The following EPHB6 variants were observed in gnomAD, a reference collection of about 807,000 sequenced individuals.
EPHB6 encodes the protein ephrin type-B receptor 6.
EPHB6 carries 51 observed loss-of-function variants against 107.0 expected under a neutral mutation model. The ratio of observed to expected loss-of-function variants is 0.48; its 90% CI spans 0.38 to 0.60. The LOEUF is 0.60. EPHB6 is among the 20% of genes least tolerant of loss of function. EPHB6 has a pLI of 0.00. For synonymous variants in EPHB6, 553 were observed against 549.0 expected, an observed-to-expected ratio of 1.01 and a Z score of -0.10; for missense variants, 1,141 against 1,355.5, an observed-to-expected ratio of 0.84 and a Z score of 2.48.
chr7:142,859,381 C>A (rs1278174005), intron 1 of EPHB6, among the ~76,000 whole-genome samples: 1 of 152,224 alleles, frequency 6.6e-6, no homozygotes, highest in East Asian at 1.9e-4. Flanking sequence ...GCATGTGGAG[C>A]AGCCGTGTTC....
chr7:142,859,068 T>A (rs1033309404), intron 1 of EPHB6, among the ~76,000 whole-genome samples: 8 of 152,258 alleles, frequency 5.3e-5, no homozygotes, highest in Non-Finnish European at 1.0e-4. Context: ...TATACACATC[T>A]GAAATGTGAA....
Position 142,867,319 on chromosome 7 carries a change from C to A in EPHB6, c.1750+251C>A. On this transcript the variant is annotated intron_variant, in intron 11 of 19. Coordinates refer to ENST00000652003, the MANE Select transcript of EPHB6 (RefSeq NM_004445.6). This position sits in a 1 kb window ranked among gnomAD's most constrained non-coding sequence, Gnocchi z 5.3. ...GGGATGTGTGTGTGTGTTGTGTGTC[C>A]CTGGGTGTGGATGTGGGAGGGCTGT... 1 of 630,424 alleles carries A rather than the reference C, an allele frequency of 1.6e-6. No homozygotes were observed. Among genetic ancestry groups the A allele is most frequent in the Non-Finnish European group, 2.8e-6 (1 of 355,708 alleles). The allele number at this position is 630,424 out of a possible 1,614,324, so 39.1% of individuals were successfully genotyped here.
rs2116477981 is a variant in EPHB6 at position 142,869,105 on chromosome 7, C to A, written c.2418C>A (p.Ser806Arg). 6.2e-7 allele frequency: 1 copy of A among 1,613,732 alleles called. No homozygotes were observed. Reference sequence around the variant, plus strand: ...CTGCCCACAGCGTGCTGGTGAATAGCCACTTGGTGTGCAAGGTGGCCCGTC... The same window carrying A: ...CTGCCCACAGCGTGCTGGTGAATAGACACTTGGTGTGCAAGGTGGCCCGTC... Reference protein sequence around the residue: ...SLSAHSVLVNSHLVCKVARLG... With the variant: ...SLSAHSVLVNRHLVCKVARLG... The change falls in exon 16 of 20, where the codon AGC becomes AGA. Residue 806 changes from serine to arginine, a missense_variant. Ser to Arg is a moderately radical substitution (Grantham distance 110). Coordinates refer to ENST00000652003, the MANE Select transcript of EPHB6 (RefSeq NM_004445.6). The surrounding 1 kb of genome is among the most constrained non-coding windows in gnomAD (Gnocchi z 4.5).
intron 1 of EPHB6, among the ~76,000 whole-genome samples, chr7:142,856,180 C>T (rs1210996852): frequency 6.6e-6 from 1 of 152,184 alleles, no homozygotes; most frequent in Non-Finnish European, 1.5e-5. Flanking sequence ...GGGAACTTGA[C>T]TGAGGCTCTA....
chr7:142,864,231 T>C lies in EPHB6; in HGVS notation c.431T>C (p.Val144Ala), dbSNP rs749048034. The C allele has an allele frequency of 5.6e-6, 9 of 1,613,798 alleles. No individual in the cohort carries two copies. In the African/African-American group the frequency reaches 1.2e-4, roughly 22 times the overall value. Residue 144 changes from valine (V) to alanine (A), a missense_variant, in exon 7 of 20, where the codon GTT becomes GCT. Physicochemically the swap from Val to Ala is moderately conservative, Grantham distance 64. Around this residue, in one of 3 missense-constraint regions of EPHB6, gnomAD observed 221 missense variants for 300.5 expected, o/e 0.74. Transcript: ENST00000652003. ...QAEEPDSPDS[V>A]SSWHLKRWTK... ...GAGGAGCCCGACAGCCCTGACAGCG[T>C]TTCCTCCTGGCACCTCAAACGCTGG...
rs1427716078 is a variant in EPHB6, at chr7:142,868,799, G to T, written c.2286+60G>T. 2.4e-5 allele frequency: 39 copies of T among 1,612,476 alleles called. 2 individuals are homozygous for T. In the South Asian group the frequency reaches 4.3e-4, roughly 18 times the overall value. ...GGGTCCAGGAAAGCTTCCAGGAGAC[G>T]AGGTCCTGTATCTTTGCTTCTTACC... On this transcript the variant is annotated intron_variant, in intron 15 of 19. Coordinates refer to ENST00000652003, the MANE Select transcript of EPHB6 (RefSeq NM_004445.6). This position sits in a 1 kb window ranked among gnomAD's most constrained non-coding sequence, Gnocchi z 4.2.
At position 142,868,057 on chromosome 7, in the gene EPHB6, T is replaced by A. The variant is rs997955971; in HGVS notation, c.1918+8T>A. ...AGCAATACAGCAGCCCAGGTGGGGA[T>A]GAGGAGAGGAAATGGGTGGGGCTGG... On this transcript the variant is annotated splice_region_variant and intron_variant, in intron 13 of 19. Transcript: ENST00000652003. This position sits in a 1 kb window ranked among gnomAD's most constrained non-coding sequence, Gnocchi z 4.2. 1 of 1,605,158 alleles carries A rather than the reference T, an allele frequency of 6.2e-7. No homozygotes were observed. Among genetic ancestry groups the A allele is most frequent in the Non-Finnish European group, 8.5e-7 (1 of 1,175,834 alleles).
chr7:142,864,554 G>A lies in EPHB6; in HGVS notation c.754G>A (p.Gly252Arg). ...SFPETQASGAGGASLVAAVGT... is the reference protein window; with the variant it reads ...SFPETQASGARGASLVAAVGT... The stretch of plus-strand genomic sequence containing the variant: ...TCCAGAGACGCAGGCCAGTGGGGCT[G>A]GGGGGGCCTCCCTGGTGGCAGCTGT... Residue 252 changes from glycine (G) to arginine (R), a missense_variant, in exon 7 of 20, where the codon GGG becomes AGG. Transcript: ENST00000652003. 6.2e-7 allele frequency: 1 copy of A among 1,612,774 alleles called. No individual in the cohort carries two copies. Among genetic ancestry groups the A allele is most frequent in the Non-Finnish European group, 8.5e-7 (1 of 1,179,798 alleles).
rs142140631 is a variant in EPHB6 at position 142,855,282 on chromosome 7, G to A, written c.-535G>A. ...CCGGGCCGGGTGCAACGGGGTCCCC[G>A]GACTGGAGAAGACGCGGGTGGCACC... On this transcript the variant is annotated 5_prime_UTR_variant, in exon 1 of 20. Coordinates refer to ENST00000652003, the MANE Select transcript of EPHB6 (RefSeq NM_004445.6). The surrounding 1 kb of genome is among the most constrained non-coding windows in gnomAD (Gnocchi z 4.2). The A allele has an allele frequency of 6.6e-6, 1 of 152,184 alleles. No individual in the cohort carries two copies. Among genetic ancestry groups the A allele is most frequent in the Admixed American group, 6.5e-5 (1 of 15,276 alleles). The allele number at this position is 152,184 out of a possible 1,614,324, so 9.4% of individuals were successfully genotyped here.
Position 142,870,898 on chromosome 7 carries a change from G to C in EPHB6, c.3063G>C (p.Glu1021Asp). The change falls in exon 20 of 20, where the codon GAG becomes GAC. Residue 1021 changes from glutamate (E) to aspartate (D), a missense_variant. By Grantham distance (45) the Glu-to-Asp change is conservative. This residue lies in a region of EPHB6 where 616 missense variants were observed against 759.3 expected (regional missense o/e 0.81). Coordinates refer to ENST00000652003, the MANE Select transcript of EPHB6 (RefSeq NM_004445.6). ...ACCTGAGGCAGCAGGGCTCAGTGGA[G>C]GTCTGAGAATGACGATACCCGTGAC... The part of the protein sequence containing the change: ...QQHLRQQGSV[E>D]V 6.2e-7 allele frequency: 1 copy of C among 1,613,004 alleles called. No homozygotes were observed.
chr7:142,867,890 T>C lies in EPHB6; in HGVS notation c.1866-107T>C. 6.6e-7 allele frequency: 1 copy of C among 1,505,228 alleles called. No individual in the cohort carries two copies. The highest frequency in any genetic ancestry group is 9.0e-7 in the Non-Finnish European group (1 of 1,107,456). The allele number at this position is 1,505,228 out of a possible 1,614,324, so 93.2% of individuals were successfully genotyped here. On this transcript the variant is annotated intron_variant, in intron 12 of 19. Coordinates refer to ENST00000652003, the MANE Select transcript of EPHB6 (RefSeq NM_004445.6). This position sits in a 1 kb window ranked among gnomAD's most constrained non-coding sequence, Gnocchi z 5.3. ...GGAGATGGGCAGGAGGGCCAGGCTG[T>C]CGTCCCCCCTCCACAGACCGACTAA...
rs779312926 is a variant in EPHB6 at position 142,866,255 on chromosome 7, G to A, written c.1401G>A (p.Val467=). The A allele has an allele frequency of 6.2e-7, 1 of 1,613,932 alleles. No individual in the cohort carries two copies. Among genetic ancestry groups the A allele is most frequent in the Non-Finnish European group, 8.5e-7 (1 of 1,180,008 alleles). ...YILEVQAVNG[V]SELSPDPPQA... is the part of the protein sequence containing the mutation. ...TAGAGGTGCAGGCTGTTAATGGGGTGTCTGAGCTCAGCCCTGACCCTCCTC... is the reference window on the plus strand; with the variant it reads ...TAGAGGTGCAGGCTGTTAATGGGGTATCTGAGCTCAGCCCTGACCCTCCTC... Residue 467 remains valine (V), a synonymous_variant, in exon 9 of 20, where the codon GTG becomes GTA. Coordinates refer to ENST00000652003, the MANE Select transcript of EPHB6 (RefSeq NM_004445.6). The surrounding 1 kb of genome is among the most constrained non-coding windows in gnomAD (Gnocchi z 5.2).
intron 1 of EPHB6, among the ~76,000 whole-genome samples, chr7:142,860,619 T>C (rs752338592): frequency 3.7e-4 from 57 of 152,352 alleles, no homozygotes; most frequent in South Asian, 6.2e-4. Flanking sequence ...GCAAAGAACA[T>C]TACTTAAGAG....
intron 1 of EPHB6, among the ~76,000 whole-genome samples, chr7:142,859,371 G>C (rs1231300503): frequency 1.3e-5 from 2 of 152,196 alleles, no homozygotes; most frequent in African/African-American, 4.8e-5. Flanking sequence ...AGCATTCCAG[G>C]CATGTGGAGC....
Position 142,865,613 on chromosome 7 carries a change from C to G in EPHB6, c.1088C>G (p.Pro363Arg), listed in dbSNP as rs761057468. The G allele has an allele frequency of 1.2e-6, 2 of 1,613,468 alleles. No individual in the cohort carries two copies. The highest frequency in any genetic ancestry group is 1.7e-6 in the Non-Finnish European group (2 of 1,180,006). ...EGFYRASSDP[P>R]EAPCTGPPSA... is the part of the protein sequence containing the mutation. Reference sequence around the variant, plus strand: ...TTCTACCGGGCCAGTTCCGACCCACCAGAGGCCCCCTGCACTGGTGAGTTC... The same window carrying G: ...TTCTACCGGGCCAGTTCCGACCCACGAGAGGCCCCCTGCACTGGTGAGTTC... The change falls in exon 8 of 20, where the codon CCA becomes CGA. Residue 363 changes from proline (P) to arginine (R), a missense_variant. Pro to Arg is a moderately radical substitution (Grantham distance 103). Transcript: ENST00000652003.
rs781660662 is a variant in EPHB6, at chr7:142,865,957, C to T, written c.1106-3C>T. 1.9e-6 allele frequency: 3 copies of T among 1,613,654 alleles called. No individual in the cohort carries two copies. The highest frequency in any genetic ancestry group is 1.7e-5 in the Admixed American group (1 of 60,010). The stretch of plus-strand genomic sequence containing the variant: ...TGGACTGCCATATCCTCCGGCCCCC[C>T]AGGTCCTCCATCGGCTCCCCAGGAG... On this transcript the variant is annotated splice_region_variant and splice_polypyrimidine_tract_variant and intron_variant, in intron 8 of 19. Transcript: ENST00000652003.
chr7:142,865,497 GGCT>G lies in EPHB6; in HGVS notation c.973_975del (p.Ala325del). 5 of 1,613,334 alleles carry G rather than the reference GGCT, an allele frequency of 3.1e-6. No individual in the cohort carries two copies. The highest frequency in any genetic ancestry group is 4.2e-6 in the Non-Finnish European group (5 of 1,179,998). On this transcript the variant is annotated inframe_deletion, in exon 8 of 20. Coordinates refer to ENST00000652003, the MANE Select transcript of EPHB6 (RefSeq NM_004445.6). ...CAGCCTGCCCACGGGGGCTCTATAA[GGCT>G]TCTGCTGGGAATGCTCCCTGCTCAC...
In EPHB6 at chr7:142,864,560, GC is replaced by G. The variant is rs780081554; in HGVS notation, c.762del (p.Ser255ProfsTer20). On this transcript the variant is annotated frameshift_variant, in exon 7 of 20. Transcript: ENST00000652003. LOFTEE classifies it high-confidence loss of function. ...GACGCAGGCCAGTGGGGCTGGGGGGGCCTCCCTGGTGGCAGCTGTGGGCACC... is the reference window on the plus strand; with the variant it reads ...GACGCAGGCCAGTGGGGCTGGGGGGGCTCCCTGGTGGCAGCTGTGGGCACC... ...PETQASGAGG[A>X]SLVAAVGTCV... 1 of 1,613,200 alleles carries G rather than the reference GC, an allele frequency of 6.2e-7. No homozygotes were observed. Among genetic ancestry groups the G allele is most frequent in the Non-Finnish European group, 8.5e-7 (1 of 1,179,918 alleles).
rs1389654582 is a variant in EPHB6, at chr7:142,864,177, A to T, written c.377A>T (p.Glu126Val). 1 of 1,613,766 alleles carries T rather than the reference A, an allele frequency of 6.2e-7. No individual in the cohort carries two copies. The highest frequency in any genetic ancestry group is 8.5e-7 in the Non-Finnish European group (1 of 1,180,048). The change falls in exon 7 of 20, where the codon GAG becomes GTG. Residue 126 changes from glutamate (E) to valine (V), a missense_variant. By Grantham distance (121) the Glu-to-Val change is moderately radical. This residue lies in a region of EPHB6 where 221 missense variants were observed against 300.5 expected (regional missense o/e 0.74). Coordinates refer to ENST00000652003, the MANE Select transcript of EPHB6 (RefSeq NM_004445.6). ...GGTGTGAGCGGCGGCACCTGCCGGG[A>T]GACCTTCACCCTTTACTACCGTCAG... Reference protein sequence around the residue: ...SLGVSGGTCRETFTLYYRQAE... With the variant: ...SLGVSGGTCRVTFTLYYRQAE...
Sources: allele counts gnomAD v4.1 joint callset (sites outside exome capture counted in the v4.1 genomes callset), GRCh38; gene constraint gnomAD v4.1.1; regional missense constraint gnomAD v4.1.1; non-coding constraint Gnocchi (gnomAD v3.1); transcripts MANE v1.5; gene names NCBI Gene and HGNC (gene_info 2026-07-23, HGNC 2026-07-21).